The following USP12 variants were observed in gnomAD, a reference collection of about 807,000 sequenced individuals.
USP12 encodes ubiquitin specific peptidase 12.
Under a neutral mutation model 45.5 loss-of-function variants are expected in USP12, and 19 were observed. The ratio of observed to expected loss-of-function variants is 0.42; its 90% CI spans 0.29 to 0.61. The LOEUF (loss-of-function observed/expected upper bound fraction) is 0.61, where lower values mean the gene tolerates loss of function less well. Among genes scored for constraint, USP12 ranks in the 20% least tolerant of loss-of-function variants. The pLI is 0.22. For missense variants in USP12, 242 were observed against 447.7 expected (o/e 0.54, Z 4.15); for synonymous variants, 149 against 148.8 (o/e 1.00, Z -0.01).
At chr13:27,159,775 A>G (rs1161976015) in intron 1 of USP12, among the ~76,000 whole-genome samples, 2 of 152,248 alleles carry the variant, frequency 1.3e-5, no homozygotes, top group East Asian at 1.9e-4. Flanking sequence ...AAAATTACAG[A>G]TGTCACATTC....
At chr13:27,137,910 C>T (rs931192631) in intron 1 of USP12, among the ~76,000 whole-genome samples, 2 of 152,204 alleles carry the variant, frequency 1.3e-5, no homozygotes, top group Admixed American at 6.5e-5. Context: ...GGCCACATGG[C>T]GAGGAACCGT....
At chr13:27,151,120 A>C (rs1593210260) in intron 1 of USP12, among the ~76,000 whole-genome samples, 2 of 152,100 alleles carry the variant, frequency 1.3e-5, no homozygotes, top group East Asian at 1.9e-4. Flanking sequence ...CTTGAGGCCA[A>C]GAGTTCAAGA....
At chr13:27,089,573 A>G (rs1158268366) in intron 6 of USP12, 16 of 239,258 alleles carry the variant, frequency 6.7e-5, no homozygotes. Flanking sequence ...ATCTCCCTCA[A>G]CCCTCTTCAC....
intron 1 of USP12, among the ~76,000 whole-genome samples, chr13:27,139,432 A>G (rs755036255): frequency 4.6e-5 from 7 of 152,202 alleles, no homozygotes; most frequent in Admixed American, 1.3e-4. Flanking sequence ...CCTGGGCAAC[A>G]TGGTGAAACC....
intron 1 of USP12, among the ~76,000 whole-genome samples, chr13:27,122,702 T>C (rs1472744382): frequency 2.0e-5 from 3 of 151,606 alleles, no homozygotes; most frequent in Admixed American, 1.3e-4. Flanking sequence ...TTTTAATGGG[T>C]GTGCTTAAGA....
intron 3 of USP12, among the ~76,000 whole-genome samples, chr13:27,102,577 C>A (rs1018723537): frequency 7.2e-5 from 11 of 152,348 alleles, no homozygotes; most frequent in Middle Eastern, 3.4e-3. Context: ...CTCAGGCAAC[C>A]TGCACTTTCT....
intron 5 of USP12, 45 bp from the exon 6 acceptor site, chr13:27,090,011 T>C: frequency 6.3e-7 from 1 of 1,585,458 alleles, no homozygotes; most frequent in Non-Finnish European, 8.6e-7. Flanking sequence ...TACCAGGAAA[T>C]CATGTATCTT....
chr13:27,122,476 C>T (rs145491414), intron 1 of USP12, among the ~76,000 whole-genome samples: 114 of 151,398 alleles, frequency 7.5e-4, no homozygotes, highest in African/African-American at 2.5e-3. Flanking sequence ...GACTAATACA[C>T]CCCATCTTTA....
chr13:27,126,537 T>C (rs1335258101), intron 1 of USP12, among the ~76,000 whole-genome samples: 1 of 152,134 alleles, frequency 6.6e-6, no homozygotes, highest in Non-Finnish European at 1.5e-5. Flanking sequence ...AGTAGGCATT[T>C]AAACGTTCCA....
intron 1 of USP12, among the ~76,000 whole-genome samples, chr13:27,140,553 G>A (rs1399811857): frequency 6.6e-6 from 1 of 152,042 alleles, no homozygotes; most frequent in Non-Finnish European, 1.5e-5. Context: ...TTAGGCCAAG[G>A]ACTCTACTAG....
chr13:27,075,247 A>T lies in USP12; in HGVS notation c.876T>A (p.Asp292Glu). ...LELRLFNTSGDATNPDRMYDL... is the reference protein window; with the variant it reads ...LELRLFNTSGEATNPDRMYDL... ...CGTACATTCTGTCTGGATTGGTGGC[A>T]TCACCTGAAGTGTTAAACAGACGAA... Residue 292 changes from aspartate to glutamate, a missense_variant, in exon 7 of 9, where the codon GAT (aspartate) becomes GAA (glutamate). Around this residue, in one of 5 missense-constraint regions of USP12, gnomAD observed 94 missense variants for 168.3 expected, o/e 0.56. Transcript: ENST00000282344. The T allele has an allele frequency of 6.2e-7, 1 of 1,614,014 alleles. No homozygotes were observed. Among genetic ancestry groups the T allele is most frequent in the Non-Finnish European group, 8.5e-7 (1 of 1,179,896 alleles).
At chr13:27,169,759 G>A (rs1255980856) in intron 1 of USP12, among the ~76,000 whole-genome samples, 2 of 152,166 alleles carry the variant, frequency 1.3e-5, no homozygotes, top group African/African-American at 2.4e-5. Context: ...TTGTTTACCT[G>A]AATACTGTTT....
chr13:27,148,674 A>ATT lies in USP12; in HGVS notation c.48+22917_48+22918insAA, dbSNP rs1175635000. Among the ~76,000 whole-genome samples, 41 of 87,804 alleles carry ATT rather than the reference A, an allele frequency of 4.7e-4. 1 individual carries two copies. The highest frequency in any genetic ancestry group is 1.7e-3 in the East Asian group (3 of 1,724). The allele number at this position is 87,804 out of a possible 152,430, so 57.6% of individuals were successfully genotyped here. ...GGGTGACAGAGACTCAAAAAAAAAAAATTATATATATATATATAATATAAA... is the reference window on the plus strand; with the variant it reads ...GGGTGACAGAGACTCAAAAAAAAAAATTATTATATATATATATATAATATAAA... On this transcript the variant is annotated intron_variant, in intron 1 of 8. Coordinates refer to ENST00000282344, the MANE Select transcript of USP12 (RefSeq NM_182488.4).
chr13:27,131,932 C>T (rs961841553), intron 1 of USP12, among the ~76,000 whole-genome samples: 1 of 152,142 alleles, frequency 6.6e-6, no homozygotes, highest in Admixed American at 6.5e-5. Flanking sequence ...TTGACACACA[C>T]ACTACCTCCC....
At chr13:27,152,193 T>C (rs1357077278) in intron 1 of USP12, among the ~76,000 whole-genome samples, 1 of 152,226 alleles carries the variant, frequency 6.6e-6, no homozygotes, top group Non-Finnish European at 1.5e-5. Flanking sequence ...ATGTTTACAA[T>C]AGTATTATTC....
At chr13:27,154,825 T>C (rs1034034354) in intron 1 of USP12, among the ~76,000 whole-genome samples, 1 of 151,978 alleles carries the variant, frequency 6.6e-6, no homozygotes, top group African/African-American at 2.4e-5. Context: ...CACAAGGGTC[T>C]GGTAAGTGAA....
rs113798072 is a variant in USP12, at chr13:27,070,815, A to G, written c.1011+256T>C. 2.0e-5 allele frequency among the ~76,000 whole-genome samples: 3 copies of G among 152,260 alleles called. 1 individual carries two copies. The highest frequency in any genetic ancestry group is 4.8e-5 in the African/African-American group (2 of 41,556). ...TGATCCGCCCGCCTCAGCCTCCCCAAGTGCTGGGATTACAGGCGTGAGCCA... is the reference window on the plus strand; with the variant it reads ...TGATCCGCCCGCCTCAGCCTCCCCAGGTGCTGGGATTACAGGCGTGAGCCA... On this transcript the variant is annotated intron_variant, in intron 8 of 8. Coordinates refer to ENST00000282344, the MANE Select transcript of USP12 (RefSeq NM_182488.4).
At chr13:27,153,572 T>C (rs1324602348) in intron 1 of USP12, among the ~76,000 whole-genome samples, 2 of 152,054 alleles carry the variant, frequency 1.3e-5, no homozygotes, top group Admixed American at 1.3e-4. Context: ...TACATTAGAG[T>C]TACAGATCCT....
At chr13:27,171,561 C>G in intron 1 of USP12, 31 bp downstream of exon 1, 1 of 1,233,530 alleles carries the variant, frequency 8.1e-7, no homozygotes, top group Non-Finnish European at 1.0e-6. Flanking sequence ...GAGGTCCCGG[C>G]AGCCCCGGCC....
Sources: allele counts gnomAD v4.1 joint callset (sites outside exome capture counted in the v4.1 genomes callset), GRCh38; gene constraint gnomAD v4.1.1; regional missense constraint gnomAD v4.1.1; transcripts MANE v1.5; gene names NCBI Gene and HGNC (gene_info 2026-07-23, HGNC 2026-07-21).